Variants in SLCO5A1 observed in about 807,000 individuals in gnomAD.
SLCO5A1 encodes solute carrier organic anion transporter family member 5A1.
Under a neutral mutation model 65.1 loss-of-function variants are expected in SLCO5A1, and 39 were observed. The observed-to-expected ratio is 0.60, with a 90% CI of 0.46 to 0.78. The LOEUF (loss-of-function observed/expected upper bound fraction) is 0.78. SLCO5A1 is among the 30% of genes least tolerant of loss of function. The probability of loss-of-function intolerance (pLI) is 0.00; values close to 1 mark genes in which losing one functional copy is unlikely to be tolerated. For synonymous variants in SLCO5A1, 438 were observed against 415.7 expected (o/e 1.05, Z -0.65); for missense variants, 1,029 against 1,069.4 (o/e 0.96, Z 0.53).
intron 2 of SLCO5A1, among the ~76,000 whole-genome samples, chr8:69,815,514 C>CT (rs1820366549): frequency 6.6e-6 from 1 of 152,038 alleles, no homozygotes; most frequent in Non-Finnish European, 1.5e-5. Flanking sequence ...TACAGCTCCT[C>CT]TTGATGTCCA....
chr8:69,720,542 G>A (rs1815772898), intron 5 of SLCO5A1, among the ~76,000 whole-genome samples: 1 of 152,268 alleles, frequency 6.6e-6, no homozygotes. Flanking sequence ...GGAACTGAGA[G>A]TGGCCATATA....
At chr8:69,720,376 T>A (rs1260157201) in intron 5 of SLCO5A1, among the ~76,000 whole-genome samples, 1 of 152,244 alleles carries the variant, frequency 6.6e-6, no homozygotes, top group Non-Finnish European at 1.5e-5. Context: ...GATATTATAC[T>A]AGGAAGTCTT....
chr8:69,763,273 C>T (rs1026548385), intron 2 of SLCO5A1, among the ~76,000 whole-genome samples: 2 of 151,448 alleles, frequency 1.3e-5, no homozygotes, highest in Non-Finnish European at 1.5e-5. Flanking sequence ...AACGCCATCG[C>T]GCTCCAGTCT....
At chr8:69,784,895 G>GAAGAAAGAAGGA (rs1818971737) in intron 2 of SLCO5A1, among the ~76,000 whole-genome samples, 1 of 84,972 alleles carries the variant, frequency 1.2e-5, no homozygotes, top group East Asian at 2.9e-4. Flanking sequence ...AAGAAGAAAG[G>GAAGAAAGAAGGA]AAGAAAGAAA....
In SLCO5A1 at chr8:69,768,630, T is replaced by G. The variant is rs375044976; in HGVS notation, c.908-6755A>C. Among the ~76,000 whole-genome samples, 86 of 151,760 alleles carry G rather than the reference T, an allele frequency of 5.7e-4. 2 individuals are homozygous for G. The South Asian group carries it at 9.2e-3, about 16-fold the overall frequency. On this transcript the variant is annotated intron_variant, in intron 2 of 9. Transcript: ENST00000260126. The stretch of plus-strand genomic sequence containing the variant: ...GCTACCTTCTTGCTGCGTCCTCACC[T>G]GGCCTCTCTCTACACGAGCAGGAAG...
At position 69,761,874 on chromosome 8, in the gene SLCO5A1, G is replaced by A; in HGVS notation, c.909C>T (p.Ala303=). Residue 303 remains alanine, a splice_region_variant and synonymous_variant, in exon 3 of 10, where the codon GCC becomes GCT. Coordinates refer to ENST00000260126, the MANE Select transcript of SLCO5A1 (RefSeq NM_030958.3). ...VKKENSSLYL[A]IMYVMGALGP... ...CAAGTGCTCCCATGACATACATGAT[G>A]GCTGAGAAGACAGAAGGGGAAATGT... The A allele has an allele frequency of 1.2e-6, 2 of 1,611,364 alleles. No homozygotes were observed. Among genetic ancestry groups the A allele is most frequent in the African/African-American group, 1.3e-5 (1 of 74,906 alleles).
chr8:69,692,049 C>T (rs939851991), intron 6 of SLCO5A1, among the ~76,000 whole-genome samples: 1 of 152,144 alleles, frequency 6.6e-6, no homozygotes, highest in East Asian at 1.9e-4. Flanking sequence ...GAGATCAAGA[C>T]CATCCTGGCT....
intron 6 of SLCO5A1, among the ~76,000 whole-genome samples, chr8:69,697,982 C>T (rs1013814873): frequency 6.6e-6 from 1 of 152,054 alleles, no homozygotes; most frequent in Non-Finnish European, 1.5e-5. Flanking sequence ...CAGCACAGTA[C>T]TCAATGGGCA....
intron 7 of SLCO5A1, among the ~76,000 whole-genome samples, chr8:69,681,050 C>T (rs891087603): frequency 6.6e-6 from 1 of 152,090 alleles, no homozygotes; most frequent in Non-Finnish European, 1.5e-5. Context: ...ACCAAGAGAA[C>T]AGATCTCACC....
chr8:69,675,026 CA>C (rs1813491782), intron 9 of SLCO5A1, among the ~76,000 whole-genome samples: 2 of 150,692 alleles, frequency 1.3e-5, no homozygotes, highest in South Asian at 4.2e-4. Context: ...GGCAACAGAG[CA>C]AGACTCTGTC....
chr8:69,696,222 C>A (rs1169030363), intron 6 of SLCO5A1, among the ~76,000 whole-genome samples: 1 of 152,150 alleles, frequency 6.6e-6, no homozygotes, highest in East Asian at 1.9e-4. Flanking sequence ...GCTTTCCGTT[C>A]CCTTCTGAGA....
At chr8:69,683,188 G>A (rs545007764) in intron 6 of SLCO5A1, among the ~76,000 whole-genome samples, 12 of 152,270 alleles carry the variant, frequency 7.9e-5, no homozygotes, top group African/African-American at 2.4e-4. Context: ...GCACCTGGGG[G>A]ATCCACAGGA....
Position 69,670,384 on chromosome 8 carries a change from T to C in SLCO5A1, c.*2485A>G, listed in dbSNP as rs1359698008. 1.3e-5 allele frequency: 2 copies of C among 152,244 alleles called. No individual in the cohort carries two copies. Among genetic ancestry groups the C allele is most frequent in the Non-Finnish European group, 2.9e-5 (2 of 68,040 alleles). 9.4% of individuals were successfully genotyped at this position (152,244 alleles called of 1,614,324 possible). On this transcript the variant is annotated 3_prime_UTR_variant, in exon 10 of 10. Coordinates refer to ENST00000260126, the MANE Select transcript of SLCO5A1 (RefSeq NM_030958.3). ...ATGTAATATTCCAGTGATGCTACCA[T>C]AGCCCCAAGTATTTTGTGAACCACT... is the stretch of plus-strand genomic sequence containing the variant.
intron 4 of SLCO5A1, among the ~76,000 whole-genome samples, chr8:69,753,574 T>C (rs1239836652): frequency 6.6e-6 from 1 of 152,222 alleles, no homozygotes; most frequent in East Asian, 1.9e-4. Context: ...GATATCAATC[T>C]TCTCCCCGCT....
intron 6 of SLCO5A1, among the ~76,000 whole-genome samples, chr8:69,686,249 G>A (rs2380569): frequency 0.42 from 60,081 of 142,524 alleles, 12,667 homozygotes; most frequent in South Asian, 0.56. Context: ...AGAGAGAGAA[G>A]ACCTCTTTAG....
chr8:69,810,840 T>C (rs902080113), intron 2 of SLCO5A1, among the ~76,000 whole-genome samples: 2 of 152,222 alleles, frequency 1.3e-5, no homozygotes, highest in Non-Finnish European at 2.9e-5. Context: ...TGGAAGACAC[T>C]ATGAAACAAC....
intron 5 of SLCO5A1, among the ~76,000 whole-genome samples, chr8:69,732,411 A>G (rs1816373859): frequency 6.6e-6 from 1 of 152,236 alleles, no homozygotes; most frequent in Non-Finnish European, 1.5e-5. Context: ...CAATGCTGAA[A>G]GATCACAGTG....
At chr8:69,714,828 TC>T (rs1294386671) in intron 5 of SLCO5A1, 1 of 152,174 alleles carries the variant, frequency 6.6e-6, no homozygotes, top group East Asian at 1.9e-4. Flanking sequence ...AACACTTTCT[TC>T]AACTCTTTAC....
intron 4 of SLCO5A1, among the ~76,000 whole-genome samples, chr8:69,751,779 T>C (rs1378843159): frequency 1.3e-5 from 2 of 152,178 alleles, no homozygotes; most frequent in African/African-American, 4.8e-5. Flanking sequence ...ACTCCTGACC[T>C]CAGGTAATCC....
Sources: gnomAD v4.1 joint callset for allele counts (sites outside exome capture counted in the v4.1 genomes callset) on GRCh38, gnomAD v4.1.1 for gene constraint, MANE v1.5 for transcripts, NCBI Gene and HGNC (gene_info 2026-07-23, HGNC 2026-07-21) for gene names.